ACTBL2: variants seen among roughly 807,000 people sequenced by gnomAD.
ACTBL2 encodes the protein beta-actin-like protein 2.
A neutral mutation model predicts 23.2 loss-of-function variants in ACTBL2; 29 were observed. The observed-to-expected ratio is 1.25, with a 90% CI of 0.93 to 1.71. The LOEUF (loss-of-function observed/expected upper bound fraction) is 1.71. Ranked by LOEUF, ACTBL2 falls within the 40% of genes most tolerant of loss-of-function variation. ACTBL2 has a pLI of 0.00. For synonymous variants in ACTBL2, 173 were observed against 182.1 expected (o/e 0.95, Z 0.40); for missense variants, 524 against 486.2 (o/e 1.08, Z -0.73).
In ACTBL2 at chr5:57,482,408, A is replaced by C. The variant is rs147178651; in HGVS notation, c.300T>G (p.Asp100Glu). 8,186 of 1,614,102 alleles carry C rather than the reference A, an allele frequency of 5.1e-3. 21 individuals are homozygous for C. Among genetic ancestry groups the C allele is most frequent in the Non-Finnish European group, 6.3e-3 (7,439 of 1,180,024 alleles). ...TFYNELRVAP[D>E]EHPILLTEAP... ...CCTCGGTGAGGAGGATGGGATGCTCATCTGGTGCCACACGGAGCTCATTGT... is the reference window on the plus strand; with the variant it reads ...CCTCGGTGAGGAGGATGGGATGCTCCTCTGGTGCCACACGGAGCTCATTGT... The change falls in exon 1 of 1, where the codon GAT (aspartate) becomes GAG (glutamate). Residue 100 changes from aspartate (D) to glutamate (E), a missense_variant. Transcript: ENST00000423391.
In ACTBL2 at chr5:57,482,397, A is replaced by G. The variant is rs1163546041; in HGVS notation, c.311T>C (p.Ile104Thr). The G allele has an allele frequency of 4.3e-6, 7 of 1,614,002 alleles. No homozygotes were observed. Among genetic ancestry groups the G allele is most frequent in the Non-Finnish European group, 5.9e-6 (7 of 1,179,976 alleles). Reference protein sequence around the residue: ...ELRVAPDEHPILLTEAPLNPK... With the variant: ...ELRVAPDEHPTLLTEAPLNPK... Reference sequence around the variant, plus strand: ...GTTCAGGGGTGCCTCGGTGAGGAGGATGGGATGCTCATCTGGTGCCACACG... The same window carrying G: ...GTTCAGGGGTGCCTCGGTGAGGAGGGTGGGATGCTCATCTGGTGCCACACG... The change falls in exon 1 of 1, where the codon ATC becomes ACC. Residue 104 changes from isoleucine to threonine, a missense_variant. Transcript: ENST00000423391.
At position 57,480,201 on chromosome 5, in the gene ACTBL2, A is replaced by T. The variant is rs1745125642; in HGVS notation, c.*1376T>A. On this transcript the variant is annotated 3_prime_UTR_variant, in exon 1 of 1. Transcript: ENST00000423391. The stretch of plus-strand genomic sequence containing the variant: ...AATTCTTACTGATTCCATTTTAAAG[A>T]TTTATAACATAAGTACAAGTTTCCC... 6.6e-6 allele frequency: 1 copy of T among 152,138 alleles called. No individual in the cohort carries two copies. The highest frequency in any genetic ancestry group is 1.5e-5 in the Non-Finnish European group (1 of 67,970). The allele number at this position is 152,138 out of a possible 1,614,324, so 9.4% of individuals were successfully genotyped here. A position where few individuals can be genotyped will look rare whatever the true frequency, so the allele number is the denominator to read the frequency against.
In ACTBL2 at chr5:57,482,635, C is replaced by G; in HGVS notation, c.73G>C (p.Asp25His). 1.2e-6 allele frequency: 2 copies of G among 1,614,092 alleles called. No homozygotes were observed. Among genetic ancestry groups the G allele is most frequent in the South Asian group, 2.2e-5 (2 of 91,034 alleles). The change falls in exon 1 of 1, where the codon GAC becomes CAC. Residue 25 changes from aspartate (D) to histidine (H), a missense_variant. Physicochemically the swap from Asp to His is moderately conservative, Grantham distance 81. Coordinates refer to ENST00000423391, the MANE Select transcript of ACTBL2 (RefSeq NM_001017992.4). Reference protein sequence around the residue: ...SGMCKAGFGGDDAPRAVFPSM... With the variant: ...SGMCKAGFGGHDAPRAVFPSM... ...GGGAACACAGCCCGGGGGGCATCGT[C>G]ACCACCAAAGCCTGCCTTGCACATC...
rs1215737786 is a variant in ACTBL2, at chr5:57,481,791, A to G, written c.917T>C (p.Met306Thr). The change falls in exon 1 of 1, where the codon ATG becomes ACG. Residue 306 changes from methionine (M) to threonine (T), a missense_variant. By Grantham distance (81) the Met-to-Thr change is moderately conservative. Coordinates refer to ENST00000423391, the MANE Select transcript of ACTBL2 (RefSeq NM_001017992.4). ...CATCCTGTCAGCAATGCCTGGGTAC[A>G]TGGTGCTCCCTCCAGATAACACGGT... ...ANTVLSGGST[M>T]YPGIADRMQK... The G allele has an allele frequency of 6.2e-7, 1 of 1,613,962 alleles. No individual in the cohort carries two copies. The highest frequency in any genetic ancestry group is 8.5e-7 in the Non-Finnish European group (1 of 1,180,036).
At position 57,482,062 on chromosome 5, in the gene ACTBL2, T is replaced by A; in HGVS notation, c.646A>T (p.Lys216Ter). The stretch of plus-strand genomic sequence containing the variant: ...AAGTCCAGGGCTACGTAGCACAGCT[T>A]CTCTTTGACATCTCGCACAATCTCC... ...EREIVRDVKE[K>*]LCYVALDFEQ... is the part of the protein sequence containing the mutation. The change falls in exon 1 of 1, where the codon AAG becomes TAG. Residue 216 changes from lysine to a stop codon, truncating the protein, a stop_gained. Transcript: ENST00000423391. LOFTEE classifies it high-confidence loss of function. 6.2e-7 allele frequency: 1 copy of A among 1,614,048 alleles called. No homozygotes were observed. Among genetic ancestry groups the A allele is most frequent in the East Asian group, 2.2e-5 (1 of 44,856 alleles).
In ACTBL2 at chr5:57,482,160, C is replaced by T. The variant is rs202177504; in HGVS notation, c.548G>A (p.Gly183Glu). ...CATGAGGTAATCAGTCAGGTCTCTC[C>T]CTGCCAGATCCAGGCGTAGAATGGC... Reference protein sequence around the residue: ...PHAILRLDLAGRDLTDYLMKI... With the variant: ...PHAILRLDLAERDLTDYLMKI... Residue 183 changes from glycine to glutamate, a missense_variant, in exon 1 of 1, where the codon GGG (glycine) becomes GAG (glutamate). Gly to Glu is a moderately conservative substitution (Grantham distance 98). Coordinates refer to ENST00000423391, the MANE Select transcript of ACTBL2 (RefSeq NM_001017992.4). The T allele has an allele frequency of 6.4e-5, 103 of 1,613,986 alleles. No individual in the cohort carries two copies. Among genetic ancestry groups the T allele is most frequent in the Non-Finnish European group, 8.5e-5 (100 of 1,180,032 alleles).
At position 57,480,556 on chromosome 5, in the gene ACTBL2, G is replaced by A. The variant is rs941725149; in HGVS notation, c.*1021C>T. On this transcript the variant is annotated 3_prime_UTR_variant, in exon 1 of 1. Coordinates refer to ENST00000423391, the MANE Select transcript of ACTBL2 (RefSeq NM_001017992.4). Reference sequence around the variant, plus strand: ...ATAATAAAGTAGAATTATTCTAAAAGCTTTCCAAGGATAAAACTGTGTTAG... The same window carrying A: ...ATAATAAAGTAGAATTATTCTAAAAACTTTCCAAGGATAAAACTGTGTTAG... The A allele has an allele frequency of 6.6e-6, 1 of 152,016 alleles. No individual in the cohort carries two copies. Among genetic ancestry groups the A allele is most frequent in the African/African-American group, 2.4e-5 (1 of 41,410 alleles). The allele number at this position is 152,016 out of a possible 1,614,324, so 9.4% of individuals were successfully genotyped here.
rs1453126112 is a variant in ACTBL2 at position 57,482,054 on chromosome 5, G to T, written c.654C>A (p.Cys218Ter). Residue 218 changes from cysteine (C) to a stop codon, truncating the protein, a stop_gained, in exon 1 of 1, where the codon TGC (cysteine) becomes TGA (stop). Transcript: ENST00000423391. LOFTEE classifies it high-confidence loss of function. ...EIVRDVKEKLCYVALDFEQEM... is the reference protein window; with the variant it reads ...EIVRDVKEKL ...CCTGCTCAAAGTCCAGGGCTACGTA[G>T]CACAGCTTCTCTTTGACATCTCGCA... is the stretch of plus-strand genomic sequence containing the variant. 6.2e-7 allele frequency: 1 copy of T among 1,614,018 alleles called. No individual in the cohort carries two copies. The highest frequency in any genetic ancestry group is 8.5e-7 in the Non-Finnish European group (1 of 1,180,046).
chr5:57,481,697 C>G lies in ACTBL2; in HGVS notation c.1011G>C (p.Lys337Asn), dbSNP rs1282238765. ...TGGAGCCCCCAATCCAAACAGAATA[C>G]TTCCGCTCTGGGGGAGCTATGATCT... ...KIKIIAPPER[K>N]YSVWIGGSIL... Residue 337 changes from lysine (K) to asparagine (N), a missense_variant, in exon 1 of 1, where the codon AAG becomes AAC. Lys to Asn is a moderately conservative substitution (Grantham distance 94). Transcript: ENST00000423391. 6.2e-7 allele frequency: 1 copy of G among 1,614,142 alleles called. No homozygotes were observed. The highest frequency in any genetic ancestry group is 8.5e-7 in the Non-Finnish European group (1 of 1,180,040).
In ACTBL2 at chr5:57,482,155, C is replaced by T. The variant is rs527573101; in HGVS notation, c.553G>A (p.Asp185Asn). 7 of 1,614,108 alleles carry T rather than the reference C, an allele frequency of 4.3e-6. No homozygotes were observed. The South Asian group carries it at 7.7e-5, about 18-fold the overall frequency. ...ATCTTCATGAGGTAATCAGTCAGGT[C>T]TCTCCCTGCCAGATCCAGGCGTAGA... ...AILRLDLAGR[D>N]LTDYLMKILT... The change falls in exon 1 of 1, where the codon GAC (aspartate) becomes AAC (asparagine). Residue 185 changes from aspartate (D) to asparagine (N), a missense_variant. Physicochemically the swap from Asp to Asn is conservative, Grantham distance 23. Transcript: ENST00000423391.
In ACTBL2 at chr5:57,482,284, A is replaced by C. The variant is rs1745178377; in HGVS notation, c.424T>G (p.Ser142Ala). Residue 142 changes from serine (S) to alanine (A), a missense_variant, in exon 1 of 1, where the codon TCC becomes GCC. Physicochemically the swap from Ser to Ala is moderately conservative, Grantham distance 99. Coordinates refer to ENST00000423391, the MANE Select transcript of ACTBL2 (RefSeq NM_001017992.4). ...AMYVAIQAVL[S>A]LYASGRTTGI... ...GTGGTCCGTCCTGAGGCATAGAGGG[A>C]CAGCACAGCCTGGATGGCGACATAC... 1 of 1,614,050 alleles carries C rather than the reference A, an allele frequency of 6.2e-7. No homozygotes were observed. The highest frequency in any genetic ancestry group is 1.1e-5 in the South Asian group (1 of 91,028).
In ACTBL2 at chr5:57,482,529, T is replaced by C. The variant is rs1430902932; in HGVS notation, c.179A>G (p.Gln60Arg). 1 of 1,613,994 alleles carries C rather than the reference T, an allele frequency of 6.2e-7. No individual in the cohort carries two copies. Among genetic ancestry groups the C allele is most frequent in the Admixed American group, 1.7e-5 (1 of 60,008 alleles). Residue 60 changes from glutamine (Q) to arginine (R), a missense_variant, in exon 1 of 1, where the codon CAG (glutamine) becomes CGG (arginine). Coordinates refer to ENST00000423391, the MANE Select transcript of ACTBL2 (RefSeq NM_001017992.4). ...QKDCYVGDEA[Q>R]SKRGVLTLKY... The stretch of plus-strand genomic sequence containing the variant: ...CAGGGTCAGGACGCCTCTCTTGCTC[T>C]GAGCCTCATCTCCCACGTAGCAGTC...
chr5:57,481,572 C>A lies in ACTBL2; in HGVS notation c.*5G>T, dbSNP rs1182675285. 4 of 1,607,852 alleles carry A rather than the reference C, an allele frequency of 2.5e-6. No homozygotes were observed. Among genetic ancestry groups the A allele is most frequent in the Non-Finnish European group, 3.4e-6 (4 of 1,177,072 alleles). ...AAATGTAAGCCCACTAATATGGAAG[C>A]CCATTCAGAAACATTTTCTGTGAAC... On this transcript the variant is annotated 3_prime_UTR_variant, in exon 1 of 1. Coordinates refer to ENST00000423391, the MANE Select transcript of ACTBL2 (RefSeq NM_001017992.4).
rs564199236 is a variant in ACTBL2 at position 57,481,312 on chromosome 5, A to G, written c.*265T>C. 7.0e-4 allele frequency: 253 copies of G among 360,876 alleles called. 2 individuals are homozygous for G. The highest frequency in any genetic ancestry group is 1.1e-3 in the Non-Finnish European group (226 of 198,886). 22.4% of individuals were successfully genotyped at this position (360,876 alleles called of 1,614,324 possible). On this transcript the variant is annotated 3_prime_UTR_variant, in exon 1 of 1. Transcript: ENST00000423391. ...CGTGATTTTACTCCTTGTCACTTAT[A>G]TGTATTTAAGCTGGCCTACCTATCT...
rs549371732 is a variant in ACTBL2, at chr5:57,482,737, A to G, written c.-30T>C. On this transcript the variant is annotated 5_prime_UTR_variant, in exon 1 of 1. Transcript: ENST00000423391. ...CTGGCTGAGATCTTCCAGACGAGTG[A>G]ACAGGACAAGTGAATAGACAGTGAG... The G allele has an allele frequency of 1.6e-5, 26 of 1,607,934 alleles. No homozygotes were observed. In the South Asian group the frequency reaches 2.9e-4, roughly 18 times the overall value.
In ACTBL2 at chr5:57,482,167, G is replaced by A; in HGVS notation, c.541C>T (p.Leu181=). 2 of 1,614,136 alleles carry A rather than the reference G, an allele frequency of 1.2e-6. No individual in the cohort carries two copies. The highest frequency in any genetic ancestry group is 8.5e-7 in the Non-Finnish European group (1 of 1,180,030). ...TAATCAGTCAGGTCTCTCCCTGCCAGATCCAGGCGTAGAATGGCATGAGGC... is the reference window on the plus strand; with the variant it reads ...TAATCAGTCAGGTCTCTCCCTGCCAAATCCAGGCGTAGAATGGCATGAGGC... The part of the protein sequence containing the change: ...ALPHAILRLD[L]AGRDLTDYLM... Residue 181 remains leucine (L), a synonymous_variant, in exon 1 of 1, where the codon CTG becomes TTG. Transcript: ENST00000423391.
chr5:57,482,363 G>A lies in ACTBL2; in HGVS notation c.345C>T (p.Ile115=), dbSNP rs772952110. The A allele has an allele frequency of 8.7e-6, 14 of 1,614,056 alleles. No individual in the cohort carries two copies. The highest frequency in any genetic ancestry group is 1.2e-5 in the Non-Finnish European group (14 of 1,180,022). ...TGATCTGAGTCATCTTTTCCCGGTTGATCTTGGGGTTCAGGGGTGCCTCGG... is the reference window on the plus strand; with the variant it reads ...TGATCTGAGTCATCTTTTCCCGGTTAATCTTGGGGTTCAGGGGTGCCTCGG... ...LLTEAPLNPK[I]NREKMTQIMF... is the part of the protein sequence containing the mutation. Residue 115 remains isoleucine, a synonymous_variant, in exon 1 of 1, where the codon ATC becomes ATT. Coordinates refer to ENST00000423391, the MANE Select transcript of ACTBL2 (RefSeq NM_001017992.4).
rs770710606 is a variant in ACTBL2, at chr5:57,481,598, G to A, written c.1110C>T (p.Ile370=). Residue 370 remains isoleucine, a synonymous_variant, in exon 1 of 1, where the codon ATC becomes ATT. Transcript: ENST00000423391. The part of the protein sequence containing the change: ...KQEYDEAGPP[I]VHRKCF ...CCATTCAGAAACATTTTCTGTGAAC[G>A]ATAGGAGGACCAGCCTCATCATATT... 2.3e-5 allele frequency: 37 copies of A among 1,612,688 alleles called. No individual in the cohort carries two copies. Among genetic ancestry groups the A allele is most frequent in the Middle Eastern group, 1.8e-4 (1 of 5,476 alleles).
In ACTBL2 at chr5:57,482,194, G is replaced by A. The variant is rs1745175689; in HGVS notation, c.514C>T (p.Leu172=). 1.1e-5 allele frequency: 17 copies of A among 1,614,128 alleles called. No individual in the cohort carries two copies. The highest frequency in any genetic ancestry group is 1.4e-5 in the Non-Finnish European group (17 of 1,180,038). ...TCCAGGCGTAGAATGGCATGAGGCA[G>A]GGCATAACCTTCATAGATGGGCACG... ...HIVPIYEGYA[L]PHAILRLDLA... Residue 172 remains leucine, a synonymous_variant, in exon 1 of 1, where the codon CTG becomes TTG. Coordinates refer to ENST00000423391, the MANE Select transcript of ACTBL2 (RefSeq NM_001017992.4).
Sources: allele counts gnomAD v4.1 joint callset, GRCh38; gene constraint gnomAD v4.1.1; transcripts MANE v1.5; gene names NCBI Gene and HGNC (gene_info 2026-07-23, HGNC 2026-07-21).